CACNA1H: variants seen among roughly 807,000 people sequenced by gnomAD.
The protein encoded by CACNA1H is calcium voltage-gated channel subunit alpha1 H.
Under a neutral mutation model 192.5 loss-of-function variants are expected in CACNA1H, and 149 were observed. The observed-to-expected ratio is 0.77, with a 90% CI of 0.68 to 0.89. The LOEUF (loss-of-function observed/expected upper bound fraction) is 0.89, where lower values mean the gene tolerates loss of function less well. CACNA1H is among the 40% of genes least tolerant of loss of function. The probability of loss-of-function intolerance (pLI) is 0.00; values close to 1 mark genes in which losing one functional copy is unlikely to be tolerated. For synonymous variants in CACNA1H, 2,202 were observed against 1,475.2 expected, an observed-to-expected ratio of 1.49 and a Z score of -11.29; for missense variants, 4,257 against 3,423.5, an observed-to-expected ratio of 1.24 and a Z score of -6.08.
chr16:1,219,152 C>T (rs1267262709), intron 34 of CACNA1H, 22 bp downstream of exon 34: 2 of 1,507,590 alleles, frequency 1.3e-6, no homozygotes, highest in Admixed American at 2.1e-5. Context: ...CGTTGGCCTG[C>T]AGCAGAGGCT....
chr16:1,209,327 A>T lies in CACNA1H; in HGVS notation c.3659A>T (p.Gln1220Leu), dbSNP rs763161866. Residue 1220 changes from glutamine to leucine, a missense_variant, in exon 17 of 35, where the codon CAG (glutamine) becomes CTG (leucine). Gln to Leu is a moderately radical substitution (Grantham distance 113). Transcript: ENST00000348261. ...ACCAAGTGCCGCGATCGCGACGGGCAGGTGGTGGCCCTGCCCAGCGACTTC... is the reference window on the plus strand; with the variant it reads ...ACCAAGTGCCGCGATCGCGACGGGCTGGTGGTGGCCCTGCCCAGCGACTTC... ...PPTKCRDRDGQVVALPSDFFL... is the reference protein window; with the variant it reads ...PPTKCRDRDGLVVALPSDFFL... The T allele has an allele frequency of 1.3e-6, 2 of 1,597,476 alleles. No homozygotes were observed. The highest frequency in any genetic ancestry group is 1.1e-5 in the South Asian group (1 of 91,038).
intron 13 of CACNA1H, 38 bp from the exon 14 acceptor site, chr16:1,207,237 G>A (rs760879430): frequency 1.8e-5 from 29 of 1,570,466 alleles, no homozygotes; most frequent in Non-Finnish European, 2.3e-5. Context: ...GCATTTCGGG[G>A]CTGGGGTGAC....
Position 1,214,957 on chromosome 16 carries a change from A to G in CACNA1H, c.4930-15A>G, listed in dbSNP as rs1197047245. On this transcript the variant is annotated splice_polypyrimidine_tract_variant and intron_variant, in intron 27 of 34. Transcript: ENST00000348261. ...CCCCAGCCCCACCTCAGCCAGCCCG[A>G]CCCTCCACCCCCAGTCGCTGGACGA... is the stretch of plus-strand genomic sequence containing the variant. 6.3e-7 allele frequency: 1 copy of G among 1,583,408 alleles called. No individual in the cohort carries two copies. The highest frequency in any genetic ancestry group is 8.6e-7 in the Non-Finnish European group (1 of 1,161,126).
In CACNA1H at chr16:1,199,806, GCCTCCTTTCCCTCACCCCAGGCTTC is replaced by G. The variant is rs557083152; in HGVS notation, c.804-444_804-420del. On this transcript the variant is annotated intron_variant, in intron 6 of 34. Coordinates refer to ENST00000348261, the MANE Select transcript of CACNA1H (RefSeq NM_021098.3). ...TCCTCTCAGCCCTCACCCCAGGGCTGCCTCCTTTCCCTCACCCCAGGCTTCCCTCCCCTCGTCCCTTGCCCTTTGC... is the reference window on the plus strand; with the variant it reads ...TCCTCTCAGCCCTCACCCCAGGGCTGCCTCCCCTCGTCCCTTGCCCTTTGC... 1.6e-4 allele frequency among the ~76,000 whole-genome samples: 24 copies of G among 151,364 alleles called. No homozygotes were observed. The South Asian group carries it at 4.8e-3, about 30-fold the overall frequency.
At position 1,213,850 on chromosome 16, in the gene CACNA1H, C is replaced by G; in HGVS notation, c.4848C>G (p.Ser1616Arg). Residue 1616 changes from serine (S) to arginine (R), a missense_variant, in exon 27 of 35, where the codon AGC (serine) becomes AGG (arginine). By Grantham distance (110) the Ser-to-Arg change is moderately radical (BLOSUM62 -1). Transcript: ENST00000348261. The part of the protein sequence containing the change: ...TRRSIHSLCT[S>R]HYLDLFITFI... The stretch of plus-strand genomic sequence containing the variant: ...GCTCCATTCACTCGCTGTGCACCAG[C>G]CACTATCTCGACCTCTTCATCACCT... The G allele has an allele frequency of 1.9e-6, 3 of 1,607,926 alleles. No individual in the cohort carries two copies. The highest frequency in any genetic ancestry group is 2.5e-6 in the Non-Finnish European group (3 of 1,177,714).
intron 2 of CACNA1H, among the ~76,000 whole-genome samples, chr16:1,158,196 C>T (rs967348344): frequency 6.6e-6 from 1 of 152,174 alleles, no homozygotes; most frequent in Non-Finnish European, 1.5e-5. Flanking sequence ...GAGAGGCTGC[C>T]TCCCCACCCC....
rs4984636 is a variant in CACNA1H, at chr16:1,202,441, T to C, written c.1991T>C (p.Val664Ala). 405,991 of 1,494,282 alleles carry C rather than the reference T, an allele frequency of 0.27. 61,801 individuals are homozygous for C. Among genetic ancestry groups the C allele is most frequent in the Non-Finnish European group, 0.31 (351,481 of 1,117,262 alleles). The allele number at this position is 1,494,282 out of a possible 1,614,324, so 92.6% of individuals were successfully genotyped here. The change falls in exon 9 of 35, where the codon GTC becomes GCC. Residue 664 changes from valine to alanine, a missense_variant. Physicochemically the swap from Val to Ala is moderately conservative, Grantham distance 64. Coordinates refer to ENST00000348261, the MANE Select transcript of CACNA1H (RefSeq NM_021098.3). ...PDPYEKIPHV[V>A]GEHGLGQAPG... Reference sequence around the variant, plus strand: ...CCCTACGAGAAGATCCCGCATGTGGTCGGGGAGCATGGTGAGGACCCAGCC... The same window carrying C: ...CCCTACGAGAAGATCCCGCATGTGGCCGGGGAGCATGGTGAGGACCCAGCC...
chr16:1,178,171 C>T (rs1402218003), intron 2 of CACNA1H, among the ~76,000 whole-genome samples: 2 of 124,280 alleles, frequency 1.6e-5, no homozygotes, highest in African/African-American at 6.2e-5. Flanking sequence ...CCCATGGACT[C>T]TCCCGCCCCC....
At chr16:1,191,078 C>G (rs577591012) in intron 2 of CACNA1H, among the ~76,000 whole-genome samples, 5 of 131,426 alleles carry the variant, frequency 3.8e-5, no homozygotes, top group Non-Finnish European at 6.5e-5. Flanking sequence ...CAGGCACACT[C>G]GGGGTCTCTC....
intron 20 of CACNA1H, 48 bp from the exon 21 acceptor site, chr16:1,210,739 A>G (rs780932667): frequency 1.3e-6 from 2 of 1,584,918 alleles, no homozygotes; most frequent in African/African-American, 1.3e-5. Flanking sequence ...CCAGCTCCCC[A>G]GACCCCCCAC....
chr16:1,210,974 G>C lies in CACNA1H; in HGVS notation c.4223+3G>C, dbSNP rs1241517773. ...CTGCGGACCCTGCGGCCTCTGAGGT[G>C]GGGGGCTCCCCGTGGGCTCCCGGGG... On this transcript the variant is annotated splice_donor_region_variant and intron_variant, in intron 21 of 34. Coordinates refer to ENST00000348261, the MANE Select transcript of CACNA1H (RefSeq NM_021098.3). 6.3e-7 allele frequency: 1 copy of C among 1,592,092 alleles called. No homozygotes were observed. Among genetic ancestry groups the C allele is most frequent in the Non-Finnish European group, 8.5e-7 (1 of 1,174,792 alleles).
chr16:1,209,653 C>T (rs1440240533), intron 17 of CACNA1H, among the ~76,000 whole-genome samples: 1 of 152,238 alleles, frequency 6.6e-6, no homozygotes, highest in African/African-American at 2.4e-5. Flanking sequence ...GCACGGCCTG[C>T]ATACGGGGGC....
chr16:1,221,645 G>T lies in CACNA1H; in HGVS notation c.*651G>T. On this transcript the variant is annotated 3_prime_UTR_variant, in exon 35 of 35. Transcript: ENST00000348261. ...GGGCGTTGGCCGCGAGATTCCCATT[G>T]ACACCTTTGTTTCGTGTGCTTTTAA... is the stretch of plus-strand genomic sequence containing the variant. The T allele has an allele frequency of 1.1e-6, 1 of 929,958 alleles. No individual in the cohort carries two copies. Among genetic ancestry groups the T allele is most frequent in the Non-Finnish European group, 1.6e-6 (1 of 636,718 alleles). The allele number at this position is 929,958 out of a possible 1,614,324, so 57.6% of individuals were successfully genotyped here. A position where few individuals can be genotyped will look rare whatever the true frequency, so the allele number is the denominator to read the frequency against.
intron 2 of CACNA1H, among the ~76,000 whole-genome samples, chr16:1,179,730 CTTTTTT>C (rs758652517): frequency 1.0e-4 from 11 of 109,114 alleles, no homozygotes; most frequent in Middle Eastern, 6.0e-3. Flanking sequence ...CGCCCGGCCT[CTTTTTT>C]TTTTTTTTTT....
intron 2 of CACNA1H, among the ~76,000 whole-genome samples, chr16:1,173,870 C>T (rs2151720826): frequency 6.6e-6 from 1 of 152,238 alleles, no homozygotes; most frequent in Non-Finnish European, 1.5e-5. Context: ...AGTGGGACCT[C>T]ACGTCACGTG....
At position 1,180,567 on chromosome 16, in the gene CACNA1H, C is replaced by T. The variant is rs911205279; in HGVS notation, c.300-14405C>T. 5.9e-5 allele frequency among the ~76,000 whole-genome samples: 9 copies of T among 152,040 alleles called. No individual in the cohort carries two copies. The highest frequency in any genetic ancestry group is 5.9e-5 in the Non-Finnish European group (4 of 68,002). ...CCTGAGCAGGGGCTGCAGTCACAGC[C>T]AGGCCGTGGGGGGGCCAGGGAGGAG... On this transcript the variant is annotated intron_variant, in intron 2 of 34. Transcript: ENST00000348261. The surrounding 1 kb of genome is among the most constrained non-coding windows in gnomAD (Gnocchi z 4.4).
rs760736442 is a variant in CACNA1H, at chr16:1,202,016, T to TCAC, written c.1582_1584dup (p.His528dup). 61 of 1,537,074 alleles carry TCAC rather than the reference T, an allele frequency of 4.0e-5. No homozygotes were observed. Among genetic ancestry groups the TCAC allele is most frequent in the East Asian group, 1.2e-4 (5 of 40,762 alleles). On this transcript the variant is annotated inframe_insertion, in exon 9 of 35. Transcript: ENST00000348261. Reference sequence around the variant, plus strand: ...TGCACCACCTGGTCTACCACCACCATCACCACCACCACCACCACTACCATT... The same window carrying TCAC: ...TGCACCACCTGGTCTACCACCACCATCACCACCACCACCACCACCACTACCATT...
chr16:1,217,957 C>T lies in CACNA1H; in HGVS notation c.5362C>T (p.His1788Tyr). The T allele has an allele frequency of 6.2e-7, 1 of 1,605,660 alleles. No homozygotes were observed. Among genetic ancestry groups the T allele is most frequent in the Non-Finnish European group, 8.5e-7 (1 of 1,176,878 alleles). The change falls in exon 32 of 35, where the codon CAC (histidine) becomes TAC (tyrosine). Residue 1788 changes from histidine (H) to tyrosine (Y), a missense_variant. Physicochemically the swap from His to Tyr is moderately conservative, Grantham distance 83. Transcript: ENST00000348261. ...EDNPCEGLSR[H>Y]ATFSNFGMAF... The stretch of plus-strand genomic sequence containing the variant: ...CAACCCCTGCGAGGGCCTGAGCAGG[C>T]ACGCCACCTTCAGCAACTTCGGCAT...
In CACNA1H at chr16:1,219,605, C is replaced by T. The variant is rs892340403; in HGVS notation, c.6049-376C>T. On this transcript the variant is annotated intron_variant, in intron 34 of 34. Transcript: ENST00000348261. ...CTCCTCTTCCTGCCCTTTCCTACCT[C>T]TTGCTGCCCAGTACAAGACGCCTGT... 2.0e-5 allele frequency among the ~76,000 whole-genome samples: 3 copies of T among 152,248 alleles called. No homozygotes were observed. In the East Asian group the frequency reaches 5.8e-4, roughly 29 times the overall value.
Sources: gnomAD v4.1 joint callset for allele counts (sites outside exome capture counted in the v4.1 genomes callset) on GRCh38, gnomAD v4.1.1 for gene constraint, Gnocchi (gnomAD v3.1) non-coding constraint, MANE v1.5 for transcripts, NCBI Gene and HGNC (gene_info 2026-07-23, HGNC 2026-07-21) for gene names.